The following PCDH15 variants were observed in gnomAD, a reference collection of about 807,000 sequenced individuals.
The protein encoded by PCDH15 is protocadherin related 15.
A neutral mutation model predicts 178.5 loss-of-function variants in PCDH15; 129 were observed. The ratio of observed to expected loss-of-function variants is 0.72; its 90% CI spans 0.63 to 0.84. The LOEUF is 0.84. Among genes scored for constraint, PCDH15 ranks in the 40% least tolerant of loss-of-function variants. The pLI is 0.00. For missense variants in PCDH15, 2,230 were observed against 2,099.9 expected (o/e 1.06, Z -1.21); for synonymous variants, 800 against 732.0 (o/e 1.09, Z -1.50).
chr10:54,252,422 C>G (rs532011701), intron 8 of PCDH15, among the ~76,000 whole-genome samples: 1 of 152,182 alleles, frequency 6.6e-6, no homozygotes, highest in Admixed American at 6.6e-5. Context: ...AAGATTGATA[C>G]TTCGAGGCAA....
chr10:55,595,848 T>C (rs1293133189), intron 2 of PCDH15, among the ~76,000 whole-genome samples: 2 of 152,258 alleles, frequency 1.3e-5, no homozygotes, highest in Non-Finnish European at 2.9e-5. Context: ...ATCTCTAAAA[T>C]AATTTTAGAA....
At chr10:55,321,180 A>G (rs1843890499), upstream of PCDH15, among the ~76,000 whole-genome samples, 1 of 152,046 alleles carries the variant, frequency 6.6e-6, no homozygotes, top group South Asian at 2.1e-4. Flanking sequence ...GAGTTGAAAA[A>G]CTCACTTCAA....
chr10:54,752,503 AAAC>A lies in PCDH15; in HGVS notation c.-29+48419_-29+48421del, dbSNP rs1236552602. Among the ~76,000 whole-genome samples, 97 of 83,900 alleles carry A rather than the reference AAAC, an allele frequency of 1.2e-3. 7 individuals are homozygous for A. The highest frequency in any genetic ancestry group is 1.7e-3 in the Non-Finnish European group (64 of 37,160). 55.0% of individuals were successfully genotyped at this position (83,900 alleles called of 152,430 possible). ...AAAAAAAAAAAAAACAAAAAACAAA[AAAC>A]AAAAAACAAACAAACAAACAAACAA... On this transcript the variant is annotated intron_variant, in intron 1 of 37. Transcript: ENST00000644397.
chr10:54,450,062 C>T (rs967399561), intron 3 of PCDH15, among the ~76,000 whole-genome samples: 2 of 150,620 alleles, frequency 1.3e-5, no homozygotes, highest in Non-Finnish European at 3.0e-5. Flanking sequence ...AATAGAGAAC[C>T]TCTCGGGAAA....
chr10:54,220,868 ATAAG>A (rs1554844306), intron 9 of PCDH15, among the ~76,000 whole-genome samples: 20 of 143,292 alleles, frequency 1.4e-4, no homozygotes, highest in Admixed American at 2.8e-4. Context: ...AAATAAATAA[ATAAG>A]TAAAATAAAT....
At chr10:55,334,308 A>T (rs920056811) in intron 2 of PCDH15, among the ~76,000 whole-genome samples, 1 of 122,126 alleles carries the variant, frequency 8.2e-6, no homozygotes, top group African/African-American at 3.4e-5. Flanking sequence ...CTATATATAT[A>T]TATATATTTT....
At chr10:55,426,765 G>C (rs1423459965) in intron 2 of PCDH15, among the ~76,000 whole-genome samples, 1 of 152,168 alleles carries the variant, frequency 6.6e-6, no homozygotes, top group Non-Finnish European at 1.5e-5. Flanking sequence ...TCTTGCCAAT[G>C]GAAAGGGACC....
chr10:55,243,944 G>T (rs1841620386), intron 1 of PCDH15, among the ~76,000 whole-genome samples: 1 of 151,942 alleles, frequency 6.6e-6, no homozygotes, highest in Admixed American at 6.6e-5. Context: ...GTAAATTCGG[G>T]TTATAAGTGT....
chr10:54,597,470 C>T lies in PCDH15; in HGVS notation c.91+66702G>A, dbSNP rs184813695. On this transcript the variant is annotated intron_variant, in intron 2 of 37. Transcript: ENST00000644397. ...GCAGTGTTGAGAGGGAAATTCATAGCACTAAACACCCCCATCAAAAAGTTA... is the reference window on the plus strand; with the variant it reads ...GCAGTGTTGAGAGGGAAATTCATAGTACTAAACACCCCCATCAAAAAGTTA... 3.3e-5 allele frequency among the ~76,000 whole-genome samples: 5 copies of T among 152,098 alleles called. No homozygotes were observed. In the East Asian group the frequency reaches 9.7e-4, roughly 29 times the overall value.
intron 3 of PCDH15, among the ~76,000 whole-genome samples, chr10:54,496,830 G>A (rs1418365): frequency 0.052 from 7,894 of 151,994 alleles, 677 homozygotes; most frequent in African/African-American, 0.18. Context: ...CTTATCCATT[G>A]CCCAAACTCA....
intron 2 of PCDH15, among the ~76,000 whole-genome samples, chr10:54,623,178 C>T (rs2093441989): frequency 6.6e-6 from 1 of 152,064 alleles, no homozygotes; most frequent in Non-Finnish European, 1.5e-5. Context: ...GAAATCACTA[C>T]TTACAGCCTT....
chr10:54,171,455 G>C (rs1001868244), intron 13 of PCDH15, among the ~76,000 whole-genome samples: 2 of 152,082 alleles, frequency 1.3e-5, no homozygotes, highest in African/African-American at 4.8e-5. Flanking sequence ...CCAGACACCA[G>C]AGCAACTTAA....
chr10:54,087,260 T>G (rs2094529636), intron 16 of PCDH15, among the ~76,000 whole-genome samples: 1 of 152,154 alleles, frequency 6.6e-6, no homozygotes, highest in Admixed American at 6.6e-5. Flanking sequence ...GTAATCAATT[T>G]TAGAACATTT....
chr10:54,705,846 T>A (rs566014427), intron 1 of PCDH15, among the ~76,000 whole-genome samples: 148 of 152,298 alleles, frequency 9.7e-4, no homozygotes, highest in African/African-American at 3.6e-3. Flanking sequence ...ACTCAAATTA[T>A]AGGTGATTAT....
chr10:53,901,475 G>A (rs948893272), intron 26 of PCDH15, among the ~76,000 whole-genome samples: 4 of 151,984 alleles, frequency 2.6e-5, no homozygotes, highest in South Asian at 4.1e-4. Context: ...TCAAGCTACC[G>A]TCAAATTTTT....
intron 21 of PCDH15, among the ~76,000 whole-genome samples, chr10:53,984,590 T>G (rs1453223741): frequency 6.6e-6 from 1 of 152,192 alleles, no homozygotes; most frequent in Non-Finnish European, 1.5e-5. Context: ...CACAAACATA[T>G]AGTAAATCTT....
intron 2 of PCDH15, among the ~76,000 whole-genome samples, chr10:55,548,440 G>A (rs1841937950): frequency 6.6e-6 from 1 of 152,082 alleles, no homozygotes; most frequent in Non-Finnish European, 1.5e-5. Flanking sequence ...GCAATGCAGA[G>A]CTATGAAAGG....
chr10:54,956,077 T>A (rs571002562), intron 2 of PCDH15, among the ~76,000 whole-genome samples: 18 of 151,478 alleles, frequency 1.2e-4, no homozygotes, highest in African/African-American at 4.1e-4. Flanking sequence ...TACATCCATA[T>A]TATTTTCTTC....
Position 55,608,219 on chromosome 10 carries a change from A to G in PCDH15, c.-156+19406T>C, listed in dbSNP as rs1377603395. On this transcript the variant is annotated intron_variant, in intron 2 of 5. Transcript: ENST00000613346. The stretch of plus-strand genomic sequence containing the variant: ...CTATAATTTGTAAAACAATATAGAC[A>G]CTCCAAAATTTGGAGGAAGGAAGGA... Among the ~76,000 whole-genome samples, 4 of 151,466 alleles carry G rather than the reference A, an allele frequency of 2.6e-5. No homozygotes were observed. The East Asian group carries it at 8.0e-4, about 30-fold the overall frequency.
Sources: allele counts gnomAD v4.1 joint callset (sites outside exome capture counted in the v4.1 genomes callset), GRCh38; gene constraint gnomAD v4.1.1; transcripts MANE v1.5; gene names NCBI Gene and HGNC (gene_info 2026-07-23, HGNC 2026-07-21).